The following POFUT2 variants were observed in gnomAD, a reference collection of about 807,000 sequenced individuals.
POFUT2 encodes protein O-fucosyltransferase 2, also known as GDP-fucose protein O-fucosyltransferase 2.
In POFUT2, 30 loss-of-function variants were observed where a neutral mutation model predicts 55.0. The ratio of observed to expected loss-of-function variants is 0.55; its 90% CI spans 0.41 to 0.74. The LOEUF (loss-of-function observed/expected upper bound fraction) is 0.74. Ranked by LOEUF, POFUT2 falls within the 30% of genes least tolerant of loss-of-function variation. The pLI, the probability that POFUT2 is intolerant of heterozygous loss-of-function variation, is 0.00. For missense variants in POFUT2, 524 were observed against 562.6 expected, an observed-to-expected ratio of 0.93 and a Z score of 0.69; for synonymous variants, 267 against 231.1, an observed-to-expected ratio of 1.16 and a Z score of -1.41.
Position 45,282,435 on chromosome 21 carries a change from C to G in POFUT2, c.552G>C (p.Glu184Asp), listed in dbSNP as rs374813043. The G allele has an allele frequency of 1.6e-5, 26 of 1,610,972 alleles. No individual in the cohort carries two copies. The highest frequency in any genetic ancestry group is 2.1e-5 in the Non-Finnish European group (25 of 1,177,534). ...GACAGGAGACGTTTAGACCCCTGGT[C>G]TCCTCATAACCCCAAAACCATCCTC... ...YYRGWFWGYE[E>D]TRGLNVSCLS... Residue 184 changes from glutamate to aspartate, a missense_variant, in exon 4 of 9, where the codon GAG becomes GAC. Glu to Asp is a conservative substitution (Grantham distance 45, BLOSUM62 2). This residue lies in a region of POFUT2 where 274 missense variants were observed against 244.4 expected (regional missense o/e 1.12). Transcript: ENST00000349485. The surrounding 1 kb of genome is among the most constrained non-coding windows in gnomAD (Gnocchi z 4.6).
At chr21:45,272,370 T>C (rs563208357) in intron 6 of POFUT2, among the ~76,000 whole-genome samples, 1 of 152,314 alleles carries the variant, frequency 6.6e-6, no homozygotes, top group South Asian at 2.1e-4. Flanking sequence ...ATCCTAATTA[T>C]ACATGCACCT....
chr21:45,267,628 G>C lies in POFUT2; in HGVS notation c.1098C>G (p.Gly366=). 6.2e-7 allele frequency: 1 copy of C among 1,614,182 alleles called. No individual in the cohort carries two copies. Among genetic ancestry groups the C allele is most frequent in the Non-Finnish European group, 8.5e-7 (1 of 1,180,030 alleles). The change falls in exon 8 of 9, where the codon GGC becomes GGG. Residue 366 remains glycine (G), a synonymous_variant. Transcript: ENST00000349485. The surrounding 1 kb of genome is among the most constrained non-coding windows in gnomAD (Gnocchi z 4.4). The part of the protein sequence containing the change: ...WEELELYKDG[G]VAIIDQWICA... ...AGATCCACTGGTCAATAATCGCAAC[G>C]CCTCCGTCCTTGTAGAGCTCCAGCT...
chr21:45,276,971 G>A (rs201081418), intron 6 of POFUT2, 46 bp downstream of exon 6: 1 of 1,603,398 alleles, frequency 6.2e-7, no homozygotes, highest in East Asian at 2.2e-5. Context: ...GGCATCTCCA[G>A]AGAGACTTTA....
chr21:45,287,226 G>A (rs1203397845), intron 1 of POFUT2, among the ~76,000 whole-genome samples: 2 of 86,214 alleles, frequency 2.3e-5, no homozygotes, highest in African/African-American at 4.8e-5. Flanking sequence ...CCCCTGTCCC[G>A]TCCCCGTCCC....
chr21:45,286,893 G>A (rs1418402906), intron 1 of POFUT2, among the ~76,000 whole-genome samples: 3 of 152,188 alleles, frequency 2.0e-5, no homozygotes, highest in East Asian at 1.9e-4. Flanking sequence ...GCCACAGGGC[G>A]GCCGCGAAGC....
At chr21:45,278,219 G>A (rs761582563) in intron 4 of POFUT2, 50 bp from the exon 5 acceptor site, 2 of 1,466,988 alleles carry the variant, frequency 1.4e-6, no homozygotes, top group South Asian at 2.3e-5. Context: ...TAAGGATGAT[G>A]ACATTCACAC....
rs999888136 is a variant in POFUT2 at position 45,266,410 on chromosome 21, G to A, written c.1137-775C>T. On this transcript the variant is annotated intron_variant, in intron 8 of 8. Transcript: ENST00000349485. ...CTGCCAGAGCAGGCCGCGCCGGCCC[G>A]GAGGCAGGGCAGCTTCAGTGAGCTG... The A allele has an allele frequency of 2.8e-5, 34 of 1,199,378 alleles. No homozygotes were observed. The Admixed American group carries it at 4.4e-4, about 16-fold the overall frequency. The allele number at this position is 1,199,378 out of a possible 1,614,324, so 74.3% of individuals were successfully genotyped here.
At chr21:45,286,056 G>A in intron 1 of POFUT2, 128 bp from the exon 2 acceptor site, 2 of 747,030 alleles carry the variant, frequency 2.7e-6, no homozygotes, top group Non-Finnish European at 4.4e-6. Flanking sequence ...GTTTGTGAAG[G>A]CAGTGAGTGG....
At position 45,285,608 on chromosome 21, in the gene POFUT2, T is replaced by G; in HGVS notation, c.382+70A>C. 1 of 1,599,040 alleles carries G rather than the reference T, an allele frequency of 6.3e-7. No homozygotes were observed. The highest frequency in any genetic ancestry group is 1.3e-5 in the African/African-American group (1 of 74,840). ...ATGCAATCGTAAGCCCAACCTGATG[T>G]CTACCTTAGAAATGACTGCCTGGCC... On this transcript the variant is annotated intron_variant, in intron 2 of 8. Coordinates refer to ENST00000349485, the MANE Select transcript of POFUT2 (RefSeq NM_133635.6). This position sits in a 1 kb window ranked among gnomAD's most constrained non-coding sequence, Gnocchi z 4.9.
chr21:45,286,011 G>C, intron 1 of POFUT2, 83 bp from the exon 2 acceptor site: 1 of 1,278,634 alleles, frequency 7.8e-7, no homozygotes, highest in Non-Finnish European at 1.1e-6. Context: ...GTCTCAGCGC[G>C]TGGCCCGACT....
intron 1 of POFUT2, 114 bp from the exon 2 acceptor site, chr21:45,286,042 C>T: frequency 3.2e-6 from 3 of 928,882 alleles, no homozygotes; most frequent in Non-Finnish European, 4.9e-6. Flanking sequence ...AACAATGGTT[C>T]CTAGTTTGTG....
chr21:45,271,075 G>A (rs969037938), intron 6 of POFUT2, among the ~76,000 whole-genome samples: 3 of 152,000 alleles, frequency 2.0e-5, no homozygotes, highest in African/African-American at 4.8e-5. Flanking sequence ...AAAGAATTCC[G>A]AAGGTTCATT....
At position 45,267,706 on chromosome 21, in the gene POFUT2, T is replaced by G; in HGVS notation, c.1020A>C (p.Glu340Asp). The G allele has an allele frequency of 6.2e-7, 1 of 1,614,014 alleles. No homozygotes were observed. The highest frequency in any genetic ancestry group is 8.5e-7 in the Non-Finnish European group (1 of 1,179,938). Residue 340 changes from glutamate to aspartate, a missense_variant, in exon 8 of 9, where the codon GAA (glutamate) becomes GAC (aspartate). Around this residue, in one of 2 missense-constraint regions of POFUT2, gnomAD observed 250 missense variants for 318.2 expected, o/e 0.79. Coordinates refer to ENST00000349485, the MANE Select transcript of POFUT2 (RefSeq NM_133635.6). This position sits in a 1 kb window ranked among gnomAD's most constrained non-coding sequence, Gnocchi z 4.4. Reference sequence around the variant, plus strand: ...TCTCGGGTAACAGCTTTTTTAGCTCTTCATATTCTGCAAAGTAGAAGGAGA... The same window carrying G: ...TCTCGGGTAACAGCTTTTTTAGCTCGTCATATTCTGCAAAGTAGAAGGAGA... The part of the protein sequence containing the change: ...VATDAVRKEY[E>D]ELKKLLPEMV...
intron 7 of POFUT2, among the ~76,000 whole-genome samples, chr21:45,269,041 G>A (rs1602159903): frequency 9.5e-6 from 1 of 105,030 alleles, no homozygotes; most frequent in South Asian, 4.0e-4. Flanking sequence ...GGAGGTGGGG[G>A]GGTCAGCCCC....
At chr21:45,269,181 G>A (rs1157937476) in intron 7 of POFUT2, among the ~76,000 whole-genome samples, 2 of 148,138 alleles carry the variant, frequency 1.4e-5, no homozygotes, top group East Asian at 2.0e-4. Context: ...TCAGCCCCCC[G>A]CCCGGCCAGC....
intron 4 of POFUT2, among the ~76,000 whole-genome samples, chr21:45,278,714 C>A (rs2030141685): frequency 6.6e-6 from 1 of 152,214 alleles, no homozygotes; most frequent in Non-Finnish European, 1.5e-5. Context: ...GTCCCAGGAA[C>A]ACGGGCACAC....
Position 45,282,266 on chromosome 21 carries a change from A to G in POFUT2, c.638+83T>C. ...GTGGGTGGGCCAGGGATGCGGGAGT[A>G]TGGGCGGAGAGCCCCCAGCCCAGCA... On this transcript the variant is annotated intron_variant, in intron 4 of 8. Transcript: ENST00000349485. This position sits in a 1 kb window ranked among gnomAD's most constrained non-coding sequence, Gnocchi z 4.6. 1.1e-6 allele frequency: 1 copy of G among 893,780 alleles called. No individual in the cohort carries two copies. Among genetic ancestry groups the G allele is most frequent in the Non-Finnish European group, 1.8e-6 (1 of 549,408 alleles). The allele number at this position is 893,780 out of a possible 1,614,324, so 55.4% of individuals were successfully genotyped here.
At position 45,281,556 on chromosome 21, in the gene POFUT2, C is replaced by T. The variant is rs1272612476; in HGVS notation, c.638+793G>A. Among the ~76,000 whole-genome samples, 3 of 152,082 alleles carry T rather than the reference C, an allele frequency of 2.0e-5. No individual in the cohort carries two copies. The highest frequency in any genetic ancestry group is 4.8e-5 in the African/African-American group (2 of 41,414). On this transcript the variant is annotated intron_variant, in intron 4 of 8. Transcript: ENST00000349485. The surrounding 1 kb of genome is among the most constrained non-coding windows in gnomAD (Gnocchi z 5.0). Reference sequence around the variant, plus strand: ...GGGGCCAGCGGCAGCTGTTACTGACCAGGGTGATACCGAGCCAGCTGTGAT... The same window carrying T: ...GGGGCCAGCGGCAGCTGTTACTGACTAGGGTGATACCGAGCCAGCTGTGAT...
At chr21:45,278,691 G>A (rs552390061) in intron 4 of POFUT2, among the ~76,000 whole-genome samples, 14 of 152,342 alleles carry the variant, frequency 9.2e-5, no homozygotes, top group Middle Eastern at 3.4e-3. Context: ...ACCCTTGTCC[G>A]GTGGCAAACC....
Sources: gnomAD v4.1 joint callset for allele counts (sites outside exome capture counted in the v4.1 genomes callset) on GRCh38, gnomAD v4.1.1 for gene constraint, gnomAD v4.1.1 regional missense constraint, Gnocchi (gnomAD v3.1) non-coding constraint, MANE v1.5 for transcripts, NCBI Gene and HGNC (gene_info 2026-07-23, HGNC 2026-07-21) for gene names.